The following MYLK variants were observed in gnomAD, a reference collection of about 807,000 sequenced individuals.
The protein encoded by MYLK is myosin light chain kinase, smooth muscle.
In MYLK, 106 loss-of-function variants were observed where a neutral mutation model predicts 203.4. That is an observed-to-expected ratio of 0.52 (90% CI 0.45 to 0.61). MYLK has a LOEUF of 0.61. Among genes scored for constraint, MYLK ranks in the 20% least tolerant of loss-of-function variants. The pLI is 0.00. For synonymous variants in MYLK, 867 were observed against 959.5 expected (o/e 0.90, Z 1.78); for missense variants, 2,072 against 2,442.3 (o/e 0.85, Z 3.20).
chr3:123,788,284 T>C (rs777766675), intron 4 of MYLK, among the ~76,000 whole-genome samples: 8 of 152,166 alleles, frequency 5.3e-5, no homozygotes, highest in Admixed American at 2.6e-4. Context: ...CTTGCTCTTC[T>C]ATATGCACAT....
intron 2 of MYLK, among the ~76,000 whole-genome samples, chr3:123,873,673 T>C (rs1400790435): frequency 1.3e-5 from 2 of 152,256 alleles, no homozygotes; most frequent in South Asian, 2.1e-4. Context: ...TAAGAGCAGA[T>C]GAGGGCTGAA....
intron 2 of MYLK, among the ~76,000 whole-genome samples, chr3:123,844,699 A>G (rs1343276023): frequency 6.6e-6 from 1 of 152,134 alleles, no homozygotes; most frequent in African/African-American, 2.4e-5. Flanking sequence ...AGAAGCAGAC[A>G]GTGTCTAATC....
chr3:123,854,048 G>C (rs1168485813), intron 2 of MYLK, among the ~76,000 whole-genome samples: 1 of 151,542 alleles, frequency 6.6e-6, no homozygotes, highest in Non-Finnish European at 1.5e-5. Flanking sequence ...GCTGGAAGAT[G>C]AGAAGCAATT....
At chr3:123,636,264 G>A (rs1576388166) in intron 29 of MYLK, among the ~76,000 whole-genome samples, 3 of 152,214 alleles carry the variant, frequency 2.0e-5, no homozygotes, top group African/African-American at 4.8e-5. Context: ...CCCCTGGCCC[G>A]ACTGTGGGAA....
chr3:123,842,946 G>C (rs2066629292), intron 2 of MYLK, among the ~76,000 whole-genome samples: 1 of 152,230 alleles, frequency 6.6e-6, no homozygotes, highest in African/African-American at 2.4e-5. Flanking sequence ...ATGTGCTGCT[G>C]GGACGGACAC....
intron 16 of MYLK, among the ~76,000 whole-genome samples, chr3:123,704,595 G>GA (rs1480231158): frequency 3.9e-5 from 6 of 151,938 alleles, no homozygotes; most frequent in Non-Finnish European, 8.8e-5. Context: ...GTTCTATATG[G>GA]AAAAATTACT....
At chr3:123,666,978 C>T (rs1049592080) in intron 21 of MYLK, 159 bp downstream of exon 21, 76 of 712,794 alleles carry the variant, frequency 1.1e-4, no homozygotes, top group Non-Finnish European at 1.7e-4. Flanking sequence ...CATGAGCAAA[C>T]TCAGCCTGAA....
chr3:123,850,142 A>T (rs2030586949), intron 2 of MYLK, among the ~76,000 whole-genome samples: 1 of 152,138 alleles, frequency 6.6e-6, no homozygotes, highest in Non-Finnish European at 1.5e-5. Flanking sequence ...CCAGTCTATC[A>T]TTGTTGGACA....
chr3:123,690,025 T>C (rs753872854), intron 19 of MYLK, among the ~76,000 whole-genome samples: 2 of 152,212 alleles, frequency 1.3e-5, no homozygotes, highest in Non-Finnish European at 2.9e-5. Flanking sequence ...CTCAGATGTA[T>C]GGTCTCGATG....
intron 2 of MYLK, among the ~76,000 whole-genome samples, chr3:123,855,345 T>G (rs2031263181): frequency 6.6e-6 from 1 of 152,248 alleles, no homozygotes; most frequent in Non-Finnish European, 1.5e-5. Context: ...TCCAATCTGT[T>G]AACTCATGCT....
chr3:123,866,995 C>T (rs758646936), intron 2 of MYLK, among the ~76,000 whole-genome samples: 3 of 152,108 alleles, frequency 2.0e-5, no homozygotes, highest in Non-Finnish European at 4.4e-5. Context: ...CCCTTTCCCT[C>T]GGTGGCTAAG....
intron 18 of MYLK, among the ~76,000 whole-genome samples, chr3:123,697,285 C>T (rs372651537): frequency 6.6e-5 from 10 of 152,130 alleles, no homozygotes; most frequent in African/African-American, 1.9e-4. Context: ...AAGGTGGGGC[C>T]GATTTTTTGA....
At chr3:123,761,917 C>A (rs1485508505) in intron 4 of MYLK, among the ~76,000 whole-genome samples, 1 of 152,104 alleles carries the variant, frequency 6.6e-6, no homozygotes, top group Non-Finnish European at 1.5e-5. Flanking sequence ...ATCCCAGCTA[C>A]TCGGGAGCCT....
intron 6 of MYLK, among the ~76,000 whole-genome samples, chr3:123,739,487 G>A (rs2062791029): frequency 6.6e-6 from 1 of 152,228 alleles, no homozygotes; most frequent in Admixed American, 6.5e-5. Flanking sequence ...CCTAGGAGAT[G>A]AAACTATAAA....
intron 3 of MYLK, among the ~76,000 whole-genome samples, chr3:123,824,353 G>C (rs941207980): frequency 6.6e-6 from 1 of 152,200 alleles, no homozygotes; most frequent in African/African-American, 2.4e-5. Flanking sequence ...GTCTCCCAAA[G>C]TGCTGGGATT....
At position 123,722,333 on chromosome 3, in the gene MYLK, G is replaced by A. The variant is rs996715622; in HGVS notation, c.1652-53C>T. On this transcript the variant is annotated intron_variant, in intron 12 of 33. Coordinates refer to ENST00000360304, the MANE Select transcript of MYLK (RefSeq NM_053025.4). ...GCCAGGCAGCACTGGCAGTAGGGACGGGAGCCCTGTCCTCAGCAGGGCTGC... is the reference window on the plus strand; with the variant it reads ...GCCAGGCAGCACTGGCAGTAGGGACAGGAGCCCTGTCCTCAGCAGGGCTGC... 4.6e-6 allele frequency: 7 copies of A among 1,524,456 alleles called. No homozygotes were observed. In the South Asian group the frequency reaches 6.0e-5, roughly 13 times the overall value. The allele number at this position is 1,524,456 out of a possible 1,614,324, so 94.4% of individuals were successfully genotyped here. A position where few individuals can be genotyped will look rare whatever the true frequency, so the allele number is the denominator to read the frequency against.
At chr3:123,877,300 CAG>C (rs1350120754) in intron 1 of MYLK, among the ~76,000 whole-genome samples, 1 of 152,096 alleles carries the variant, frequency 6.6e-6, no homozygotes, top group Non-Finnish European at 1.5e-5. Flanking sequence ...CTGTGTGAAA[CAG>C]GGAGCCACCG....
intron 8 of MYLK, 84 bp downstream of exon 8, chr3:123,737,294 G>T (rs1053447890): frequency 8.3e-6 from 13 of 1,566,438 alleles, no homozygotes; most frequent in Non-Finnish European, 1.1e-5. Flanking sequence ...TACACACACA[G>T]GTGCGCAGTG....
chr3:123,839,456 G>A (rs2066543548), intron 2 of MYLK, among the ~76,000 whole-genome samples: 1 of 152,034 alleles, frequency 6.6e-6, no homozygotes, highest in Non-Finnish European at 1.5e-5. Flanking sequence ...ATATTACCAG[G>A]GATAAAGAGA....
Sources: gnomAD v4.1 joint callset for allele counts (sites outside exome capture counted in the v4.1 genomes callset) on GRCh38, gnomAD v4.1.1 for gene constraint, MANE v1.5 for transcripts, NCBI Gene and HGNC (gene_info 2026-07-23, HGNC 2026-07-21) for gene names.